MYCBP2: variants seen among roughly 807,000 people sequenced by gnomAD.
MYCBP2 encodes the protein E3 ubiquitin-protein ligase MYCBP2.
Under a neutral mutation model 525.3 loss-of-function variants are expected in MYCBP2, and 120 were observed. The ratio of observed to expected loss-of-function variants is 0.23; its 90% confidence interval spans 0.20 to 0.27. The LOEUF is 0.27. Among genes scored for constraint, MYCBP2 ranks in the 10% least tolerant of loss-of-function variants. The pLI is 1.00. For synonymous variants in MYCBP2, 1,894 were observed against 1,955.8 expected (o/e 0.97, Z 0.83); for missense variants, 4,149 against 5,657.1 (o/e 0.73, Z 8.55).
At chr13:77,311,951 TA>T (rs2080293542) in intron 1 of MYCBP2, among the ~76,000 whole-genome samples, 1 of 152,004 alleles carries the variant, frequency 6.6e-6, no homozygotes, top group Non-Finnish European at 1.5e-5. Flanking sequence ...CACATCAAAT[TA>T]AGCTGCTGAA....
chr13:77,096,532 G>C (rs1343046055), intron 56 of MYCBP2, 51 bp from the exon 57 acceptor site: 10 of 1,579,248 alleles, frequency 6.3e-6, no homozygotes, highest in African/African-American at 1.3e-5. Flanking sequence ...GTCCTTAATA[G>C]TTTGATCCTT....
In MYCBP2 at chr13:77,056,928, A is replaced by T. The variant is rs181443033; in HGVS notation, c.13437+58T>A. 21 of 1,308,252 alleles carry T rather than the reference A, an allele frequency of 1.6e-5. No homozygotes were observed. In the Admixed American group the frequency reaches 2.4e-4, roughly 15 times the overall value. The allele number at this position is 1,308,252 out of a possible 1,614,324, so 81.0% of individuals were successfully genotyped here. A position where few individuals can be genotyped will look rare whatever the true frequency, so the allele number is the denominator to read the frequency against. Reference sequence around the variant, plus strand: ...GATACTGACATATGTTTATTTTGAAAGGTGAAAAGAAAGAACAAAAGAAAA... The same window carrying T: ...GATACTGACATATGTTTATTTTGAATGGTGAAAAGAAAGAACAAAAGAAAA... On this transcript the variant is annotated intron_variant, in intron 79 of 82. Transcript: ENST00000544440.
At chr13:77,304,298 A>T (rs1028996427) in intron 1 of MYCBP2, among the ~76,000 whole-genome samples, 2 of 152,342 alleles carry the variant, frequency 1.3e-5, no homozygotes, top group Admixed American at 6.5e-5. Context: ...TTTAGTGATT[A>T]AAAAAGAGTA....
In MYCBP2 at chr13:77,243,721, T is replaced by C. The variant is rs1449988472; in HGVS notation, c.2527+85A>G. 5 of 1,178,388 alleles carry C rather than the reference T, an allele frequency of 4.2e-6. No homozygotes were observed. In the African/African-American group the frequency reaches 4.7e-5, roughly 11 times the overall value. The allele number at this position is 1,178,388 out of a possible 1,614,324, so 73.0% of individuals were successfully genotyped here. On this transcript the variant is annotated intron_variant, in intron 16 of 82. Coordinates refer to ENST00000544440, the MANE Select transcript of MYCBP2 (RefSeq NM_015057.5). ...TAATTATTATCCTAATTTATTAACATATATCTAAAAGAAATTGTTTAAACT... is the reference window on the plus strand; with the variant it reads ...TAATTATTATCCTAATTTATTAACACATATCTAAAAGAAATTGTTTAAACT...
At position 77,052,846 on chromosome 13, in the gene MYCBP2, C is replaced by T. The variant is rs1211620308; in HGVS notation, c.13648-928G>A. On this transcript the variant is annotated intron_variant, in intron 80 of 82. Transcript: ENST00000544440. ...CACACATTTTTTAAGAAGAAAAGGC[C>T]GGCTGGGCATGGTGGCTCACACCTG... Among the ~76,000 whole-genome samples the T allele has an allele frequency of 1.8e-4, 27 of 151,942 alleles. 1 individual carries two copies. The highest frequency in any genetic ancestry group is 1.7e-3 in the Admixed American group (26 of 15,242).
At chr13:77,146,351 C>A (rs1237121097) in intron 47 of MYCBP2, 134 bp from the exon 48 acceptor site, 1 of 435,934 alleles carries the variant, frequency 2.3e-6, no homozygotes, top group South Asian at 9.3e-5. Flanking sequence ...AAAAAAATTA[C>A]CTACTTTAGA....
At chr13:77,308,848 C>G (rs895903804) in intron 1 of MYCBP2, among the ~76,000 whole-genome samples, 1 of 152,164 alleles carries the variant, frequency 6.6e-6, no homozygotes, top group Admixed American at 6.5e-5. Context: ...CTCAGTTATC[C>G]TAAATGCAGG....
rs573115898 is a variant in MYCBP2, at chr13:77,249,356, T to A, written c.2381+1795A>T. Among the ~76,000 whole-genome samples the A allele has an allele frequency of 1.4e-3, 209 of 152,328 alleles. 1 individual carries two copies. The highest frequency in any genetic ancestry group is 4.8e-3 in the African/African-American group (200 of 41,556). The stretch of plus-strand genomic sequence containing the variant: ...AATAGTCCTTAATATTCTGATATAT[T>A]CAGTTTGCTTCATTCATAAAGCAAT... On this transcript the variant is annotated intron_variant, in intron 15 of 82. Coordinates refer to ENST00000544440, the MANE Select transcript of MYCBP2 (RefSeq NM_015057.5).
chr13:77,198,914 G>A (rs1283370926), intron 26 of MYCBP2, among the ~76,000 whole-genome samples: 1 of 152,252 alleles, frequency 6.6e-6, no homozygotes, highest in Non-Finnish European at 1.5e-5. Context: ...AGAAAGGACT[G>A]AGATATAGTC....
chr13:77,168,402 G>T (rs147341706), intron 40 of MYCBP2, 26 bp downstream of exon 40: 2 of 1,597,088 alleles, frequency 1.3e-6, no homozygotes, highest in African/African-American at 1.3e-5. Flanking sequence ...TTTTACATTC[G>T]AATCACACTA....
chr13:77,210,223 C>T lies in MYCBP2; in HGVS notation c.3416+944G>A, dbSNP rs2063815118. Among the ~76,000 whole-genome samples the T allele has an allele frequency of 2.1e-5, 3 of 141,694 alleles. No individual in the cohort carries two copies. The Admixed American group carries it at 2.2e-4, about 10-fold the overall frequency. 93.0% of individuals were successfully genotyped at this position (141,694 alleles called of 152,430 possible). A position where few individuals can be genotyped will look rare whatever the true frequency, so the allele number is the denominator to read the frequency against. ...TTTTTCTTTTTTTTTTTTTTTGAGACAGAGTCTCGCCCAGGCTGGAGTGCA... is the reference window on the plus strand; with the variant it reads ...TTTTTCTTTTTTTTTTTTTTTGAGATAGAGTCTCGCCCAGGCTGGAGTGCA... On this transcript the variant is annotated intron_variant, in intron 23 of 82. Coordinates refer to ENST00000544440, the MANE Select transcript of MYCBP2 (RefSeq NM_015057.5).
At chr13:77,150,087 T>C (rs2056232941) in intron 47 of MYCBP2, among the ~76,000 whole-genome samples, 1 of 152,198 alleles carries the variant, frequency 6.6e-6, no homozygotes, top group Admixed American at 6.5e-5. Context: ...TAATTCGGAT[T>C]AACATTGCCT....
In MYCBP2 at chr13:77,066,068, C is replaced by T. The variant is rs767727694; in HGVS notation, c.12476G>A (p.Ser4159Asn). 4.3e-6 allele frequency: 7 copies of T among 1,612,580 alleles called. No homozygotes were observed. The Admixed American group carries it at 1.2e-4, about 27-fold the overall frequency. The stretch of plus-strand genomic sequence containing the variant: ...GGTTGAGCCCTTCATCCACCAATGA[C>T]TTTCACCTCGTCGGAGATAACTACA... ...FNSSYLRRGE[S>N]HWWMKGSTPT... Residue 4159 changes from serine (S) to asparagine (N), a missense_variant, in exon 72 of 83, where the codon AGT becomes AAT. Transcript: ENST00000544440.
At chr13:77,184,981 G>T in intron 32 of MYCBP2, 122 bp downstream of exon 32, 1 of 974,086 alleles carries the variant, frequency 1.0e-6, no homozygotes, top group Non-Finnish European at 1.5e-6. Flanking sequence ...CATGTACACC[G>T]AATGATTTCC....
intron 26 of MYCBP2, among the ~76,000 whole-genome samples, chr13:77,199,663 C>A (rs2062219822): frequency 6.6e-6 from 1 of 152,240 alleles, no homozygotes; most frequent in Non-Finnish European, 1.5e-5. Context: ...TTGAAGAGAG[C>A]AGTGGTTCTC....
intron 60 of MYCBP2, among the ~76,000 whole-genome samples, 181 bp from the exon 61 acceptor site, chr13:77,089,212 T>C (rs965341399): frequency 1.3e-5 from 2 of 152,262 alleles, no homozygotes; most frequent in Admixed American, 1.3e-4. Context: ...TGTTACTCTC[T>C]GAAAGTCATA....
chr13:77,174,925 A>AT (rs2059518324), intron 36 of MYCBP2, among the ~76,000 whole-genome samples: 4 of 111,216 alleles, frequency 3.6e-5, no homozygotes, highest in Admixed American at 9.9e-5. Flanking sequence ...TATATTATAT[A>AT]TATATAATAT....
rs2082258837 is a variant in MYCBP2, at chr13:77,326,117, T to C, written c.302+357A>G. On this transcript the variant is annotated intron_variant, in intron 1 of 82. Transcript: ENST00000544440. This position sits in a 1 kb window ranked among gnomAD's most constrained non-coding sequence, Gnocchi z 4.2. ...CTTCGTGTATCATCCTCTTACCCTC[T>C]CTACCCATGCCACCTCCTACCTCAA... is the stretch of plus-strand genomic sequence containing the variant. 6.6e-6 allele frequency among the ~76,000 whole-genome samples: 1 copy of C among 151,858 alleles called. No individual in the cohort carries two copies. The highest frequency in any genetic ancestry group is 2.1e-4 in the South Asian group (1 of 4,820).
At chr13:77,078,291 A>T (rs2042670602) in intron 66 of MYCBP2, among the ~76,000 whole-genome samples, 1 of 152,248 alleles carries the variant, frequency 6.6e-6, no homozygotes, top group South Asian at 2.1e-4. Context: ...TAAAGTAGCC[A>T]GTGAGGAACA....
Sources: allele counts gnomAD v4.1 joint callset (sites outside exome capture counted in the v4.1 genomes callset), GRCh38; gene constraint gnomAD v4.1.1; non-coding constraint Gnocchi (gnomAD v3.1); transcripts MANE v1.5; gene names NCBI Gene and HGNC (gene_info 2026-07-23, HGNC 2026-07-21).